Variants in FBXO39 observed in about 807,000 individuals in gnomAD.
FBXO39 encodes the protein F-box protein 39.
Under a neutral mutation model 36.6 loss-of-function variants are expected in FBXO39, and 22 were observed. That is an observed-to-expected ratio of 0.60 (90% CI 0.43 to 0.86). FBXO39 has a LOEUF of 0.86. Among genes scored for constraint, FBXO39 ranks in the 40% least tolerant of loss-of-function variants. The pLI, the probability that FBXO39 is intolerant of heterozygous loss-of-function variation, is 0.00. For missense variants in FBXO39, 536 were observed against 543.9 expected, an observed-to-expected ratio of 0.99 and a Z score of 0.14; for synonymous variants, 206 against 205.8, an observed-to-expected ratio of 1.00 and a Z score of -0.01.
intron 1 of FBXO39, among the ~76,000 whole-genome samples, chr17:6,778,264 T>C (rs1367840383): frequency 6.6e-6 from 1 of 152,182 alleles, no homozygotes; most frequent in Non-Finnish European, 1.5e-5. Flanking sequence ...CAGTTGCCTA[T>C]GGTGGGGGCA....
In FBXO39 at chr17:6,780,157, A is replaced by T. The variant is rs1360540386; in HGVS notation, c.289A>T (p.Met97Leu). The T allele has an allele frequency of 1.2e-6, 2 of 1,614,100 alleles. No homozygotes were observed. Among genetic ancestry groups the T allele is most frequent in the African/African-American group, 2.7e-5 (2 of 74,934 alleles). The change falls in exon 2 of 4, where the codon ATG becomes TTG. Residue 97 changes from methionine (M) to leucine (L), a missense_variant. Coordinates refer to ENST00000321535, the MANE Select transcript of FBXO39 (RefSeq NM_153230.3). ...RYLEHLEVKFMNPYNAVLTKK... is the reference protein window; with the variant it reads ...RYLEHLEVKFLNPYNAVLTKK... ...TCTGGAGCACCTGGAGGTCAAATTC[A>T]TGAATCCTTACAATGCTGTCTTGAC... is the stretch of plus-strand genomic sequence containing the variant.
chr17:6,782,360 A>T (rs1482973426), intron 2 of FBXO39, among the ~76,000 whole-genome samples: 1 of 152,196 alleles, frequency 6.6e-6, no homozygotes, highest in Non-Finnish European at 1.5e-5. Context: ...AAGGAAGAAA[A>T]GAAGGAAGAG....
intron 2 of FBXO39, among the ~76,000 whole-genome samples, chr17:6,782,654 G>C (rs558465841): frequency 6.6e-5 from 10 of 151,950 alleles, no homozygotes; most frequent in African/African-American, 9.7e-5. Context: ...TAGATTTCAA[G>C]ACAAAATCTA....
At position 6,786,843 on chromosome 17, in the gene FBXO39, A is replaced by C. The variant is rs762700116; in HGVS notation, c.1087A>C (p.Ile363Leu). Reference sequence around the variant, plus strand: ...CGACGAGGAGCTGCACCTCCTCATCATATCCTGCAGGAAGTTGTTTTACTT... The same window carrying C: ...CGACGAGGAGCTGCACCTCCTCATCCTATCCTGCAGGAAGTTGTTTTACTT... ...SLDEELHLLI[I>L]SCRKLFYFKI... The change falls in exon 3 of 4, where the codon ATA becomes CTA. Residue 363 changes from isoleucine to leucine, a missense_variant. Ile to Leu is a conservative substitution (Grantham distance 5). Transcript: ENST00000321535. 6.2e-7 allele frequency: 1 copy of C among 1,613,994 alleles called. No homozygotes were observed. The highest frequency in any genetic ancestry group is 1.1e-5 in the South Asian group (1 of 91,080).
chr17:6,782,381 A>G (rs907630467), intron 2 of FBXO39, among the ~76,000 whole-genome samples: 1 of 152,194 alleles, frequency 6.6e-6, no homozygotes, highest in Non-Finnish European at 1.5e-5. Context: ...AAGACCGCAA[A>G]AAACCAGAAA....
chr17:6,786,843 A>G lies in FBXO39; in HGVS notation c.1087A>G (p.Ile363Val), dbSNP rs762700116. 6.8e-6 allele frequency: 11 copies of G among 1,613,876 alleles called. No homozygotes were observed. In the South Asian group the frequency reaches 7.7e-5, roughly 11 times the overall value. Residue 363 changes from isoleucine to valine, a missense_variant, in exon 3 of 4, where the codon ATA (isoleucine) becomes GTA (valine). Ile to Val is a conservative substitution (Grantham distance 29). Transcript: ENST00000321535. Reference protein sequence around the residue: ...SLDEELHLLIISCRKLFYFKI... With the variant: ...SLDEELHLLIVSCRKLFYFKI... ...CGACGAGGAGCTGCACCTCCTCATC[A>G]TATCCTGCAGGAAGTTGTTTTACTT...
intron 1 of FBXO39, among the ~76,000 whole-genome samples, chr17:6,779,191 A>G (rs1021711666): frequency 6.6e-6 from 1 of 152,110 alleles, no homozygotes; most frequent in African/African-American, 2.4e-5. Context: ...TCTAGGACAT[A>G]ATCTTTATCA....
chr17:6,781,573 AG>A, intron 2 of FBXO39, among the ~76,000 whole-genome samples: 1 of 152,306 alleles, frequency 6.6e-6, no homozygotes, highest in South Asian at 2.1e-4. Context: ...CATAAACCAA[AG>A]GTGGGGTACG....
In FBXO39 at chr17:6,779,853, A is replaced by G. The variant is rs1301128698; in HGVS notation, c.-16A>G. 1 of 1,612,850 alleles carries G rather than the reference A, an allele frequency of 6.2e-7. No individual in the cohort carries two copies. The highest frequency in any genetic ancestry group is 1.1e-5 in the South Asian group (1 of 90,968). On this transcript the variant is annotated 5_prime_UTR_variant, in exon 2 of 4. Coordinates refer to ENST00000321535, the MANE Select transcript of FBXO39 (RefSeq NM_153230.3). ...CCTGCCTAACACACAGCTGCACTGT[A>G]CATCCCAGTTCCTGGATGGACGAAG...
In FBXO39 at chr17:6,786,218, T is replaced by C. The variant is rs993358857; in HGVS notation, c.1024-562T>C. Among the ~76,000 whole-genome samples, 68 of 152,198 alleles carry C rather than the reference T, an allele frequency of 4.5e-4. 1 individual carries two copies. Among genetic ancestry groups the C allele is most frequent in the Non-Finnish European group, 1.6e-4 (11 of 68,040 alleles). On this transcript the variant is annotated intron_variant, in intron 2 of 3. Transcript: ENST00000321535. ...AATAACATAGATGCAACTGAGGTTGTTATGTTAAGTGAAATATGCTAGGCA... is the reference window on the plus strand; with the variant it reads ...AATAACATAGATGCAACTGAGGTTGCTATGTTAAGTGAAATATGCTAGGCA...
Position 6,787,312 on chromosome 17 carries a change from A to G in FBXO39, c.1213A>G (p.Thr405Ala), listed in dbSNP as rs1201666723. 1.9e-6 allele frequency: 3 copies of G among 1,613,932 alleles called. No homozygotes were observed. The highest frequency in any genetic ancestry group is 2.5e-6 in the Non-Finnish European group (3 of 1,179,916). ...ALRVFKARIY[T>A]NRYETNEEDK... Reference sequence around the variant, plus strand: ...TCTGTTGGCACAGGCGAGAATTTATACAAACAGATATGAGACGAATGAAGA... The same window carrying G: ...TCTGTTGGCACAGGCGAGAATTTATGCAAACAGATATGAGACGAATGAAGA... The change falls in exon 4 of 4, where the codon ACA (threonine) becomes GCA (alanine). Residue 405 changes from threonine to alanine, a missense_variant. Thr to Ala is a moderately conservative substitution (Grantham distance 58). Coordinates refer to ENST00000321535, the MANE Select transcript of FBXO39 (RefSeq NM_153230.3).
chr17:6,778,013 A>G (rs1032067468), intron 1 of FBXO39, among the ~76,000 whole-genome samples: 8 of 152,228 alleles, frequency 5.3e-5, no homozygotes, highest in African/African-American at 1.7e-4. Context: ...GAGGCCCACA[A>G]CTGTGCTTAC....
rs150313910 is a variant in FBXO39 at position 6,787,076 on chromosome 17, C to T, written c.1200+120C>T. The T allele has an allele frequency of 9.2e-3, 12,517 of 1,355,950 alleles. 69 individuals carry two copies. Among genetic ancestry groups the T allele is most frequent in the Non-Finnish European group, 0.011 (11,373 of 995,180 alleles). The allele number at this position is 1,355,950 out of a possible 1,614,324, so 84.0% of individuals were successfully genotyped here. On this transcript the variant is annotated intron_variant, in intron 3 of 3. Coordinates refer to ENST00000321535, the MANE Select transcript of FBXO39 (RefSeq NM_153230.3). ...GGACAATCATCTGTTCATTGAAAATCAGCAGTTTCAAAGAAGGGAATCTGG... is the reference window on the plus strand; with the variant it reads ...GGACAATCATCTGTTCATTGAAAATTAGCAGTTTCAAAGAAGGGAATCTGG...
At chr17:6,785,566 A>C (rs1285188987) in intron 2 of FBXO39, among the ~76,000 whole-genome samples, 1 of 152,138 alleles carries the variant, frequency 6.6e-6, no homozygotes, top group African/African-American at 2.4e-5. Context: ...AACCCACAGG[A>C]AGAATGGGAG....
intron 2 of FBXO39, among the ~76,000 whole-genome samples, chr17:6,783,824 T>C (rs1040106905): frequency 3.3e-5 from 5 of 151,958 alleles, no homozygotes; most frequent in African/African-American, 1.2e-4. Flanking sequence ...ATCAATTTTA[T>C]CAAACATTTA....
chr17:6,783,599 G>A (rs1976533846), intron 2 of FBXO39, among the ~76,000 whole-genome samples: 1 of 151,926 alleles, frequency 6.6e-6, no homozygotes, highest in Non-Finnish European at 1.5e-5. Flanking sequence ...AAATACAAAG[G>A]ATAATTAGAG....
intron 2 of FBXO39, among the ~76,000 whole-genome samples, chr17:6,781,864 A>G (rs145277932): frequency 0.037 from 5,599 of 152,294 alleles, 126 homozygotes; most frequent in Middle Eastern, 0.12. Flanking sequence ...GAGTTCTTCA[A>G]TCTGAAAGAA....
chr17:6,779,873 A>T lies in FBXO39; in HGVS notation c.5A>T (p.Asp2Val). Residue 2 changes from aspartate (D) to valine (V), a missense_variant, in exon 2 of 4, where the codon GAC becomes GTC. Transcript: ENST00000321535. M[D>V]EESELIQPQD... Reference sequence around the variant, plus strand: ...ACTGTACATCCCAGTTCCTGGATGGACGAAGAAAGTGAACTGATCCAGCCC... The same window carrying T: ...ACTGTACATCCCAGTTCCTGGATGGTCGAAGAAAGTGAACTGATCCAGCCC... 6.2e-7 allele frequency: 1 copy of T among 1,613,968 alleles called. No homozygotes were observed.
In FBXO39 at chr17:6,780,757, C is replaced by T. The variant is rs747537634; in HGVS notation, c.889C>T (p.Arg297Cys). 2.0e-5 allele frequency: 33 copies of T among 1,614,002 alleles called. No homozygotes were observed. Among genetic ancestry groups the T allele is most frequent in the African/African-American group, 1.2e-4 (9 of 74,914 alleles). Residue 297 changes from arginine (R) to cysteine (C), a missense_variant, in exon 2 of 4, where the codon CGC becomes TGC. Coordinates refer to ENST00000321535, the MANE Select transcript of FBXO39 (RefSeq NM_153230.3). ...CTTTGAACGGATCATGAAGTACGAA[C>T]GCTTGGCCCGAATCCTCTTGCAGGA... ...FFFERIMKYE[R>C]LARILLQEIP... is the part of the protein sequence containing the mutation.
Sources: gnomAD v4.1 joint callset for allele counts (sites outside exome capture counted in the v4.1 genomes callset) on GRCh38, gnomAD v4.1.1 for gene constraint, MANE v1.5 for transcripts, NCBI Gene and HGNC (gene_info 2026-07-23, HGNC 2026-07-21) for gene names.